CDH18: variants seen among roughly 807,000 people sequenced by gnomAD.
CDH18 encodes cadherin-18.
A neutral mutation model predicts 67.9 loss-of-function variants in CDH18; 31 were observed. The observed-to-expected ratio is 0.46, with a 90% confidence interval of 0.34 to 0.62. The LOEUF is 0.62. Among genes scored for constraint, CDH18 ranks in the 20% least tolerant of loss-of-function variants. The pLI is 0.01. For missense variants in CDH18, 890 were observed against 975.5 expected (o/e 0.91, Z 1.17); for synonymous variants, 362 against 347.2 (o/e 1.04, Z -0.48).
intron 2 of CDH18, among the ~76,000 whole-genome samples, chr5:20,215,089 C>G (rs1216085548): frequency 6.6e-6 from 1 of 151,908 alleles, no homozygotes; most frequent in Non-Finnish European, 1.5e-5. Context: ...ATAAAAAAAG[C>G]TCAACATCAC....
At chr5:20,402,463 C>T (rs560344983) in intron 1 of CDH18, among the ~76,000 whole-genome samples, 8 of 152,160 alleles carry the variant, frequency 5.3e-5, no homozygotes, top group South Asian at 2.1e-4. Context: ...AAAAAATGTA[C>T]GCAAGGACAT....
At chr5:19,704,857 T>C (rs61224209) in intron 5 of CDH18, among the ~76,000 whole-genome samples, 14,509 of 152,240 alleles carry the variant, frequency 0.095, 1,298 homozygotes, top group East Asian at 0.25. Context: ...AATTCAGTTA[T>C]ACAATCTATA....
At chr5:19,789,508 CAG>C (rs1011417270) in intron 3 of CDH18, among the ~76,000 whole-genome samples, 5 of 151,916 alleles carry the variant, frequency 3.3e-5, no homozygotes. Flanking sequence ...GTCAAGGAAA[CAG>C]AAAAATAAGT....
chr5:20,438,681 T>C (rs1177307513), intron 1 of CDH18, among the ~76,000 whole-genome samples: 1 of 151,404 alleles, frequency 6.6e-6, no homozygotes, highest in Non-Finnish European at 1.5e-5. Flanking sequence ...TTTCATATTA[T>C]AATGATTATC....
chr5:20,170,138 C>A (rs1580393096), intron 2 of CDH18, among the ~76,000 whole-genome samples: 1 of 151,830 alleles, frequency 6.6e-6, no homozygotes, highest in African/African-American at 2.4e-5. Context: ...GTATTAAGAC[C>A]CTCATGCATT....
At chr5:19,617,160 T>C (rs955893485) in intron 5 of CDH18, among the ~76,000 whole-genome samples, 3 of 152,216 alleles carry the variant, frequency 2.0e-5, no homozygotes, top group Non-Finnish European at 2.9e-5. Flanking sequence ...CCATTATGTT[T>C]CCATGCATTT....
At chr5:20,404,634 C>A (rs1327557556) in intron 1 of CDH18, among the ~76,000 whole-genome samples, 2 of 151,796 alleles carry the variant, frequency 1.3e-5, no homozygotes, top group Admixed American at 1.3e-4. Flanking sequence ...AAGGGCACCC[C>A]AAAAAAATTA....
At chr5:20,143,389 A>G (rs557301759) in intron 2 of CDH18, among the ~76,000 whole-genome samples, 5 of 152,172 alleles carry the variant, frequency 3.3e-5, no homozygotes, top group African/African-American at 1.2e-4. Context: ...TTTATTAGAT[A>G]TGGAGTCTTG....
rs2126596713 is a variant in CDH18, at chr5:19,483,485, C to A, written c.1698G>T (p.Leu566=). ...TTCCACCATCAGAGATCATAATGGG[C>A]AGATAATACACATCCTGAACAGTTC... ...FSRTVQDVYY[L]PIMISDGGIP... The change falls in exon 12 of 13, where the codon CTG becomes CTT. Residue 566 remains leucine (L), a synonymous_variant. Transcript: ENST00000382275. 2 of 1,614,052 alleles carry A rather than the reference C, an allele frequency of 1.2e-6. No individual in the cohort carries two copies. The highest frequency in any genetic ancestry group is 1.3e-5 in the African/African-American group (1 of 75,012).
At chr5:19,550,381 T>G (rs1737191764) in intron 8 of CDH18, among the ~76,000 whole-genome samples, 1 of 152,056 alleles carries the variant, frequency 6.6e-6, no homozygotes, top group African/African-American at 2.4e-5. Flanking sequence ...TCATTTAGCA[T>G]TAGGTATATC....
At chr5:20,389,714 A>G (rs1744667046) in intron 1 of CDH18, among the ~76,000 whole-genome samples, 1 of 152,174 alleles carries the variant, frequency 6.6e-6, no homozygotes, top group Non-Finnish European at 1.5e-5. Flanking sequence ...AGCTGGAGGC[A>G]TCACGCTACC....
chr5:20,493,228 A>G (rs1440716928), intron 1 of CDH18, among the ~76,000 whole-genome samples: 1 of 151,810 alleles, frequency 6.6e-6, no homozygotes, highest in African/African-American at 2.4e-5. Context: ...ACTTGCCTGT[A>G]GTTCCAGCTA....
chr5:20,034,917 C>T (rs979375794), intron 2 of CDH18, among the ~76,000 whole-genome samples: 5 of 152,078 alleles, frequency 3.3e-5, no homozygotes, highest in African/African-American at 9.7e-5. Flanking sequence ...CAATTATTCA[C>T]GTACTCTTCC....
intron 2 of CDH18, among the ~76,000 whole-genome samples, chr5:20,213,191 T>C (rs1284662785): frequency 6.6e-6 from 1 of 152,128 alleles, no homozygotes; most frequent in Non-Finnish European, 1.5e-5. Context: ...TTGTTGTATC[T>C]CAGAGAATAG....
intron 1 of CDH18, among the ~76,000 whole-genome samples, chr5:20,423,840 G>C (rs1293940151): frequency 6.7e-6 from 1 of 149,170 alleles, no homozygotes; most frequent in East Asian, 2.0e-4. Context: ...CCAGCTACTC[G>C]GGAGGCTGAG....
chr5:20,288,233 G>GAAATCCTT (rs1292187790), intron 1 of CDH18, among the ~76,000 whole-genome samples: 1 of 151,720 alleles, frequency 6.6e-6, no homozygotes, highest in Non-Finnish European at 1.5e-5. Context: ...TCAGATGACT[G>GAAATCCTT]AAATCCTTAA....
intron 1 of CDH18, among the ~76,000 whole-genome samples, chr5:20,316,180 C>A (rs1055699578): frequency 2.0e-5 from 3 of 152,004 alleles, no homozygotes; most frequent in African/African-American, 7.2e-5. Flanking sequence ...ATAATGATAA[C>A]TTTTTATTCA....
chr5:19,542,830 G>T (rs1750488585), intron 9 of CDH18, among the ~76,000 whole-genome samples: 1 of 152,044 alleles, frequency 6.6e-6, no homozygotes, highest in Non-Finnish European at 1.5e-5. Context: ...TTTTGAAATT[G>T]GTTATGGTAA....
chr5:20,570,907 G>A (rs1758778705), intron 1 of CDH18, among the ~76,000 whole-genome samples: 1 of 152,144 alleles, frequency 6.6e-6, no homozygotes. Context: ...AGGCCAAGGA[G>A]TAATTTTGTA....
Sources: allele counts gnomAD v4.1 joint callset (sites outside exome capture counted in the v4.1 genomes callset), GRCh38; gene constraint gnomAD v4.1.1; transcripts MANE v1.5; gene names NCBI Gene and HGNC (gene_info 2026-07-23, HGNC 2026-07-21).